Variants in PKN2 observed in about 807,000 individuals in gnomAD.
PKN2 encodes the protein serine/threonine-protein kinase N2.
Under a neutral mutation model 119.1 loss-of-function variants are expected in PKN2, and 38 were observed. The ratio of observed to expected loss-of-function variants is 0.32; its 90% CI spans 0.25 to 0.42. PKN2 has a LOEUF of 0.42. PKN2 is among the 10% of genes least tolerant of loss of function. PKN2 has a pLI of 1.00. For synonymous variants in PKN2, 390 were observed against 384.9 expected (o/e 1.01, Z -0.15); for missense variants, 850 against 1,165.1 (o/e 0.73, Z 3.94).
chr1:88,726,102 C>T (rs1667887786), intron 1 of PKN2, among the ~76,000 whole-genome samples: 1 of 152,050 alleles, frequency 6.6e-6, no homozygotes. Context: ...CTAGTACATT[C>T]CTTGGGATTT....
chr1:88,716,825 G>T (rs1300750115), intron 1 of PKN2, among the ~76,000 whole-genome samples: 1 of 152,096 alleles, frequency 6.6e-6, no homozygotes, highest in East Asian at 1.9e-4. Flanking sequence ...GTGTGAATTT[G>T]ATCCTGTCAT....
rs147761030 is a variant in PKN2, at chr1:88,799,489, G to A, written c.1282-4902G>A. Among the ~76,000 whole-genome samples, 210 of 152,180 alleles carry A rather than the reference G, an allele frequency of 1.4e-3. 1 individual carries two copies. The highest frequency in any genetic ancestry group is 4.7e-3 in the African/African-American group (197 of 41,506). The stretch of plus-strand genomic sequence containing the variant: ...CTTCCCTGTCCTACCCTGTTTTTGG[G>A]CTGATGACTACAAAGTTCACTTGAA... On this transcript the variant is annotated intron_variant, in intron 8 of 21. Transcript: ENST00000370521.
At chr1:88,719,055 C>A (rs1221871161) in intron 1 of PKN2, among the ~76,000 whole-genome samples, 1 of 152,132 alleles carries the variant, frequency 6.6e-6, no homozygotes, top group East Asian at 1.9e-4. Context: ...TTCTTACAAA[C>A]CCTCATGGTA....
chr1:88,734,194 G>A (rs959941760), intron 1 of PKN2, among the ~76,000 whole-genome samples: 1 of 151,716 alleles, frequency 6.6e-6, no homozygotes, highest in Non-Finnish European at 1.5e-5. Context: ...GCGTTTTAGA[G>A]TTTTGGATTT....
At chr1:88,721,113 C>CT (rs200510621) in intron 1 of PKN2, among the ~76,000 whole-genome samples, 70 of 151,254 alleles carry the variant, frequency 4.6e-4, no homozygotes, top group African/African-American at 1.4e-3. Flanking sequence ...CATATAATGA[C>CT]TTTTTTTTTC....
intron 1 of PKN2, among the ~76,000 whole-genome samples, chr1:88,726,717 A>G (rs1298642061): frequency 1.3e-5 from 2 of 151,918 alleles, no homozygotes; most frequent in Non-Finnish European, 2.9e-5. Context: ...ATTGTATAAT[A>G]TAGGACTGTG....
chr1:88,821,659 A>G (rs761150373), intron 16 of PKN2, among the ~76,000 whole-genome samples: 1 of 152,046 alleles, frequency 6.6e-6, no homozygotes, highest in Non-Finnish European at 1.5e-5. Context: ...CTTTGTCCTT[A>G]TGTTATATTG....
intron 1 of PKN2, among the ~76,000 whole-genome samples, chr1:88,703,566 T>G (rs2100669731): frequency 6.6e-6 from 1 of 152,276 alleles, no homozygotes; most frequent in African/African-American, 2.4e-5. Flanking sequence ...CTGTGAGTAT[T>G]TTGTATTTTA....
intron 1 of PKN2, among the ~76,000 whole-genome samples, chr1:88,732,749 G>C (rs576526549): frequency 1.1e-3 from 174 of 152,160 alleles, no homozygotes; most frequent in Non-Finnish European, 2.2e-3. Context: ...TAAATTTCTT[G>C]TTTTATATTC....
At chr1:88,749,317 A>G (rs1266737788) in intron 2 of PKN2, among the ~76,000 whole-genome samples, 1 of 151,742 alleles carries the variant, frequency 6.6e-6, no homozygotes, top group African/African-American at 2.4e-5. Context: ...TTCTAACTCA[A>G]TCACGTGAAC....
chr1:88,748,350 A>G lies in PKN2; in HGVS notation c.349+7062A>G, dbSNP rs1375207329. Among the ~76,000 whole-genome samples the G allele has an allele frequency of 3.3e-5, 5 of 152,188 alleles. No homozygotes were observed. The South Asian group carries it at 8.3e-4, about 25-fold the overall frequency. Reference sequence around the variant, plus strand: ...CCATGTACATAGAATTATAAAGTATATAAGTTTTTGAGAATTTTTTCCCTC... The same window carrying G: ...CCATGTACATAGAATTATAAAGTATGTAAGTTTTTGAGAATTTTTTCCCTC... On this transcript the variant is annotated intron_variant, in intron 2 of 21. Coordinates refer to ENST00000370521, the MANE Select transcript of PKN2 (RefSeq NM_006256.4).
At chr1:88,808,526 G>A (rs554615722) in intron 15 of PKN2, among the ~76,000 whole-genome samples, 128 of 151,920 alleles carry the variant, frequency 8.4e-4, no homozygotes, top group Non-Finnish European at 1.2e-3. Context: ...GGATGGTCTC[G>A]ATCTCCTGAC....
At chr1:88,796,856 G>A (rs1452870099) in intron 8 of PKN2, among the ~76,000 whole-genome samples, 3 of 151,162 alleles carry the variant, frequency 2.0e-5, no homozygotes, top group African/African-American at 7.3e-5. Context: ...AAGACACTTA[G>A]TATACATATT....
chr1:88,828,559 C>T lies in PKN2; in HGVS notation c.2498C>T (p.Ser833Phe), dbSNP rs747812169. ...GCCCCAGAAGTATTAACAGAAACTTCTTATACAAGGGCTGTAGATTGGTGG... is the reference window on the plus strand; with the variant it reads ...GCCCCAGAAGTATTAACAGAAACTTTTTATACAAGGGCTGTAGATTGGTGG... ...FLAPEVLTET[S>F]YTRAVDWWGL... The change falls in exon 19 of 22, where the codon TCT becomes TTT. Residue 833 changes from serine (S) to phenylalanine (F), a missense_variant. Ser to Phe is a radical substitution (Grantham distance 155). This residue lies in a region of PKN2 where 95 missense variants were observed against 150.2 expected (regional missense o/e 0.63). Transcript: ENST00000370521. The T allele has an allele frequency of 6.2e-7, 1 of 1,613,400 alleles. No individual in the cohort carries two copies. The highest frequency in any genetic ancestry group is 1.7e-5 in the Admixed American group (1 of 60,004).
At chr1:88,820,180 CTATATATATATATATATATATATATATA>C (rs397980752) in intron 16 of PKN2, among the ~76,000 whole-genome samples, 53 of 70,730 alleles carry the variant, frequency 7.5e-4, no homozygotes, top group South Asian at 1.6e-3. Flanking sequence ...TTTCAGAAAC[CTATATATATATATATATATATATATATA>C]TATATATATA....
At chr1:88,801,371 G>A (rs917353437) in intron 8 of PKN2, among the ~76,000 whole-genome samples, 1 of 152,084 alleles carries the variant, frequency 6.6e-6, no homozygotes, top group African/African-American at 2.4e-5. Context: ...GGCAATAAGA[G>A]TGAAACCCCA....
chr1:88,803,827 G>A (rs763479693), intron 8 of PKN2, among the ~76,000 whole-genome samples: 7 of 152,004 alleles, frequency 4.6e-5, no homozygotes, highest in Admixed American at 6.6e-5. Flanking sequence ...CCTTTCGTAC[G>A]CAGAATGGGT....
Position 88,807,566 on chromosome 1 carries a change from A to G in PKN2, c.1972A>G (p.Arg658Gly), listed in dbSNP as rs781216106. The change falls in exon 14 of 22, where the codon AGG (arginine) becomes GGG (glycine). Residue 658 changes from arginine (R) to glycine (G), a missense_variant. Arg to Gly is a moderately radical substitution (Grantham distance 125). Transcript: ENST00000370521. ...GTTTCAGTTTAATCTACAAGATTTC[A>G]GGTGTTGTGCTGTCTTGGGAAGAGG... ...QRFQFNLQDF[R>G]CCAVLGRGHF... 6 of 1,612,608 alleles carry G rather than the reference A, an allele frequency of 3.7e-6. No homozygotes were observed. The South Asian group carries it at 6.6e-5, about 18-fold the overall frequency.
chr1:88,790,112 G>C (rs1365642189), intron 8 of PKN2, among the ~76,000 whole-genome samples: 2 of 152,132 alleles, frequency 1.3e-5, no homozygotes, highest in Non-Finnish European at 2.9e-5. Flanking sequence ...CCTTTCTGGG[G>C]CCTTACATCT....
Sources: gnomAD v4.1 joint callset for allele counts (sites outside exome capture counted in the v4.1 genomes callset) on GRCh38, gnomAD v4.1.1 for gene constraint, gnomAD v4.1.1 regional missense constraint, MANE v1.5 for transcripts, NCBI Gene and HGNC (gene_info 2026-07-23, HGNC 2026-07-21) for gene names.